Variants in DLC1 observed in about 807,000 individuals in gnomAD.
The protein encoded by DLC1 is rho GTPase-activating protein 7.
A neutral mutation model predicts 140.3 loss-of-function variants in DLC1; 54 were observed. That is an observed-to-expected ratio of 0.38 (90% CI 0.31 to 0.48). The LOEUF (loss-of-function observed/expected upper bound fraction) is 0.48. Among genes scored for constraint, DLC1 ranks in the 20% least tolerant of loss-of-function variants. The pLI is 0.96. For synonymous variants in DLC1, 986 were observed against 728.1 expected, an observed-to-expected ratio of 1.35 and a Z score of -5.70; for missense variants, 2,536 against 1,907.0, an observed-to-expected ratio of 1.33 and a Z score of -6.14.
intron 5 of DLC1, among the ~76,000 whole-genome samples, chr8:13,204,549 CTT>C (rs1210584842): frequency 1.3e-5 from 2 of 152,076 alleles, no homozygotes; most frequent in East Asian, 1.9e-4. Flanking sequence ...AATTTCAACT[CTT>C]TTACTTCATA....
At chr8:13,532,509 G>A (rs140897270) in intron 1 of DLC1, among the ~76,000 whole-genome samples, 4 of 152,236 alleles carry the variant, frequency 2.6e-5, no homozygotes, top group Non-Finnish European at 5.9e-5. Context: ...GAGGCTGAAT[G>A]CTTAACTCAC....
At chr8:13,319,819 CTCTTT>C (rs1226286425) in intron 4 of DLC1, among the ~76,000 whole-genome samples, 4 of 76,150 alleles carry the variant, frequency 5.3e-5, no homozygotes, top group East Asian at 5.3e-4. Flanking sequence ...TTCTCTCTCT[CTCTTT>C]TTTTTTTTTT....
chr8:13,097,367 G>C (rs544486820), intron 10 of DLC1, among the ~76,000 whole-genome samples: 1 of 152,052 alleles, frequency 6.6e-6, no homozygotes, highest in East Asian at 1.9e-4. Flanking sequence ...GGGTTCAAGG[G>C]ATTCTCATGC....
intron 5 of DLC1, among the ~76,000 whole-genome samples, chr8:13,192,011 G>T (rs542537955): frequency 2.0e-5 from 3 of 149,462 alleles, no homozygotes; most frequent in African/African-American, 7.4e-5. Flanking sequence ...GTGTGATCTC[G>T]GCTCACTGCA....
At chr8:13,578,780 C>A (rs1804938134) in intron 1 of DLC1, among the ~76,000 whole-genome samples, 1 of 146,258 alleles carries the variant, frequency 6.8e-6, no homozygotes, top group African/African-American at 2.5e-5. Flanking sequence ...AGGTGTCCCA[C>A]CCTCCAGGTA....
intron 7 of DLC1, among the ~76,000 whole-genome samples, chr8:13,104,786 A>C (rs1033416510): frequency 1.3e-5 from 2 of 152,214 alleles, no homozygotes; most frequent in African/African-American, 4.8e-5. Context: ...TATAGAATAA[A>C]TAAAGATAGC....
chr8:13,314,763 A>T (rs1332303595), intron 4 of DLC1, among the ~76,000 whole-genome samples: 1 of 152,230 alleles, frequency 6.6e-6, no homozygotes, highest in Non-Finnish European at 1.5e-5. Context: ...AATGATATAC[A>T]TAAATCTCTT....
chr8:13,127,806 G>A (rs936114849), intron 5 of DLC1, among the ~76,000 whole-genome samples: 7 of 152,198 alleles, frequency 4.6e-5, no homozygotes, highest in African/African-American at 1.7e-4. Context: ...CAAGCTTCAG[G>A]AAGTGACCTC....
At chr8:13,548,870 T>G (rs1055155624) in intron 1 of DLC1, among the ~76,000 whole-genome samples, 13 of 152,086 alleles carry the variant, frequency 8.5e-5, no homozygotes, top group African/African-American at 3.1e-4. Context: ...TTTCTCTTTT[T>G]AGAAAATACT....
intron 5 of DLC1, among the ~76,000 whole-genome samples, chr8:13,301,931 A>ATTGT (rs563378690): frequency 2.8e-4 from 43 of 152,262 alleles, no homozygotes; most frequent in African/African-American, 1.0e-3. Flanking sequence ...CCGTGGAAAA[A>ATTGT]TTGTTTTCCA....
intron 5 of DLC1, among the ~76,000 whole-genome samples, chr8:13,291,158 C>T (rs921097622): frequency 2.0e-5 from 3 of 152,204 alleles, no homozygotes; most frequent in African/African-American, 7.2e-5. Context: ...ATCTGCCCGC[C>T]TCAGCCTCCC....
intron 1 of DLC1, among the ~76,000 whole-genome samples, chr8:13,521,110 A>G (rs919488040): frequency 6.6e-6 from 1 of 152,132 alleles, no homozygotes; most frequent in East Asian, 1.9e-4. Flanking sequence ...AGGGACATGG[A>G]TGGAGCTGGA....
chr8:13,095,477 A>G, intron 10 of DLC1: 2 of 552,296 alleles, frequency 3.6e-6, no homozygotes, highest in South Asian at 4.5e-5. Context: ...CTGTGCAGAT[A>G]AAGAACATTC....
At chr8:13,462,396 CTTTTTT>C (rs869264457) in intron 2 of DLC1, among the ~76,000 whole-genome samples, 1 of 131,118 alleles carries the variant, frequency 7.6e-6, no homozygotes, top group Admixed American at 7.8e-5. Context: ...CATTACTATT[CTTTTTT>C]TTTTTTTTTT....
chr8:13,143,725 C>T (rs1408818636), intron 5 of DLC1, among the ~76,000 whole-genome samples: 2 of 150,336 alleles, frequency 1.3e-5, no homozygotes, highest in African/African-American at 4.9e-5. Context: ...GTGACTTTTT[C>T]TTGGGATAAT....
At chr8:13,100,883 C>T (rs760538925) in intron 8 of DLC1, 113 bp from the exon 9 acceptor site, 8 of 956,390 alleles carry the variant, frequency 8.4e-6, no homozygotes, top group Non-Finnish European at 1.0e-5. Context: ...CCCCCTTGTA[C>T]TTCATGATTT....
intron 6 of DLC1, among the ~76,000 whole-genome samples, chr8:13,113,340 G>T (rs1820273910): frequency 6.6e-6 from 1 of 152,150 alleles, no homozygotes; most frequent in Non-Finnish European, 1.5e-5. Flanking sequence ...AGCACACAGT[G>T]GCAGGAAAAA....
At chr8:13,343,134 T>C (rs1671344) in intron 4 of DLC1, among the ~76,000 whole-genome samples, 131,469 of 152,224 alleles carry the variant, frequency 0.86, 58,001 homozygotes, top group East Asian at 0.98. Flanking sequence ...TTCTATAATT[T>C]CTTTGGCTTG....
chr8:13,341,482 C>A (rs997473455), intron 4 of DLC1: 1 of 152,152 alleles, frequency 6.6e-6, no homozygotes, highest in Non-Finnish European at 1.5e-5. Context: ...GGGGCAGGGC[C>A]TGGGAATTTT....
Sources: allele counts gnomAD v4.1 joint callset (sites outside exome capture counted in the v4.1 genomes callset), GRCh38; gene constraint gnomAD v4.1.1; transcripts MANE v1.5; gene names NCBI Gene and HGNC (gene_info 2026-07-23, HGNC 2026-07-21).